The following RDH13 variants were observed in gnomAD, a reference collection of about 807,000 sequenced individuals.
The protein encoded by RDH13 is retinol dehydrogenase 13 (all-trans and 9-cis).
In RDH13, 35 loss-of-function variants were observed where a neutral mutation model predicts 28.3. That is an observed-to-expected ratio of 1.24 (90% CI 0.95 to 1.64). The LOEUF is 1.64. Ranked by LOEUF, RDH13 falls within the 40% of genes most tolerant of loss-of-function variation. The pLI is 0.00. For missense variants in RDH13, 514 were observed against 446.3 expected (o/e 1.15, Z -1.37); for synonymous variants, 229 against 198.5 (o/e 1.15, Z -1.29).
chr19:55,039,466 T>G (rs1402671863), downstream of RDH13: 1 of 152,182 alleles, frequency 6.6e-6, no homozygotes, highest in Non-Finnish European at 1.5e-5. Context: ...GAGAATCGCT[T>G]GAACCTGGGA....
chr19:55,066,655 TTCTC>T (rs148846272), upstream of RDH13, among the ~76,000 whole-genome samples: 8 of 145,294 alleles, frequency 5.5e-5, no homozygotes, highest in East Asian at 2.0e-4. Flanking sequence ...CTCTTTCTCT[TTCTC>T]TCTCTCTTCC....
At chr19:55,054,675 C>G (rs914506323) in intron 3 of RDH13, among the ~76,000 whole-genome samples, 1 of 152,064 alleles carries the variant, frequency 6.6e-6, no homozygotes, top group Non-Finnish European at 1.5e-5. Flanking sequence ...CTCAAGTGAT[C>G]CTCTTGCCTC....
At chr19:55,047,168 C>T in intron 6 of RDH13, 2 of 1,396,958 alleles carry the variant, frequency 1.4e-6, no homozygotes, top group Non-Finnish European at 1.9e-6. Flanking sequence ...ACGGTTTTCT[C>T]ATCCGCCAGC....
At chr19:55,052,570 GCAGCCTCAACCTCC>G (rs1177466623) in intron 3 of RDH13, among the ~76,000 whole-genome samples, 1 of 149,236 alleles carries the variant, frequency 6.7e-6, no homozygotes, top group Non-Finnish European at 1.5e-5. Context: ...ATCCCTCACT[GCAGCCTCAACCTCC>G]CAGGCTCAAG....
rs2075487942 is a variant in RDH13 at position 55,052,676 on chromosome 19, T to A, written c.341-3913A>T. Among the ~76,000 whole-genome samples, 3 of 149,132 alleles carry A rather than the reference T, an allele frequency of 2.0e-5. No individual in the cohort carries two copies. In the South Asian group the frequency reaches 6.4e-4, roughly 32 times the overall value. On this transcript the variant is annotated intron_variant, in intron 3 of 6. Coordinates refer to ENST00000415061, the MANE Select transcript of RDH13 (RefSeq NM_001145971.2). ...CCTGCCTCATTGTTTTTTATTTTTT[T>A]TTTGAGATGGAGTCTCACTCTGTCA...
chr19:55,065,867 G>A (rs144172433), upstream of RDH13, among the ~76,000 whole-genome samples: 541 of 152,190 alleles, frequency 3.6e-3, 9 homozygotes, highest in East Asian at 0.033. Context: ...ACAGGCGCTC[G>A]CCGCCACACC....
chr19:55,056,611 G>A lies in RDH13; in HGVS notation c.340+42C>T, dbSNP rs12608988. On this transcript the variant is annotated intron_variant, in intron 3 of 6. Coordinates refer to ENST00000415061, the MANE Select transcript of RDH13 (RefSeq NM_001145971.2). ...TTCTCAGAGCCTGGCCCTGGGAGCC[G>A]CCTATCCCAGTCCTCATCCCACATG... 0.077 allele frequency: 123,312 copies of A among 1,601,048 alleles called. 5,489 individuals are homozygous for A. Among genetic ancestry groups the A allele is most frequent in the East Asian group, 0.2 (8,700 of 44,484 alleles).
chr19:55,063,013 G>T lies in RDH13; in HGVS notation c.20C>A (p.Pro7Gln). 2.0e-6 allele frequency: 3 copies of T among 1,463,864 alleles called. No individual in the cohort carries two copies. Among genetic ancestry groups the T allele is most frequent in the Non-Finnish European group, 2.7e-6 (3 of 1,109,546 alleles). 90.7% of individuals were successfully genotyped at this position (1,463,864 alleles called of 1,614,324 possible). ...TGCTACCGTGCCCAGCGCCGACAGCGGCAGCAGGTAGCGGCTCATGCCGGG... is the reference window on the plus strand; with the variant it reads ...TGCTACCGTGCCCAGCGCCGACAGCTGCAGCAGGTAGCGGCTCATGCCGGG... MSRYLL[P>Q]LSALGTVAGA... is the part of the protein sequence containing the mutation. The change falls in exon 1 of 7, where the codon CCG becomes CAG. Residue 7 changes from proline to glutamine, a missense_variant. Coordinates refer to ENST00000415061, the MANE Select transcript of RDH13 (RefSeq NM_001145971.2).
At chr19:55,062,110 TC>T (rs999729509) in intron 1 of RDH13, among the ~76,000 whole-genome samples, 11 of 124,388 alleles carry the variant, frequency 8.8e-5, no homozygotes, top group Non-Finnish European at 1.8e-5. Context: ...ACAGCGAAAC[TC>T]TGTCTCAAAA....
rs529590812 is a variant in RDH13, at chr19:55,059,905, G to A, written c.66-630C>T. Among the ~76,000 whole-genome samples the A allele has an allele frequency of 6.6e-5, 10 of 152,362 alleles. No homozygotes were observed. The East Asian group carries it at 1.9e-3, about 29-fold the overall frequency. ...TAAGGGATCTAGGGCTGTGCAGGAAGTGCCTTGTTAACACAATGTTTCCAA... is the reference window on the plus strand; with the variant it reads ...TAAGGGATCTAGGGCTGTGCAGGAAATGCCTTGTTAACACAATGTTTCCAA... On this transcript the variant is annotated intron_variant, in intron 1 of 6. Transcript: ENST00000415061.
Position 55,048,365 on chromosome 19 carries a change from C to G in RDH13, c.622G>C (p.Val208Leu). ...AAYCQSKLAIVLFTKELSRRL... is the reference protein window; with the variant it reads ...AAYCQSKLAILLFTKELSRRL... The stretch of plus-strand genomic sequence containing the variant: ...CGGCTCAGCTCCTTGGTGAAGAGGA[C>G]GATGGCGAGCTTGCTCTGGCAGTAG... The change falls in exon 5 of 7, where the codon GTC (valine) becomes CTC (leucine). Residue 208 changes from valine (V) to leucine (L), a missense_variant. Physicochemically the swap from Val to Leu is conservative, Grantham distance 32. Coordinates refer to ENST00000415061, the MANE Select transcript of RDH13 (RefSeq NM_001145971.2). 3 of 1,614,158 alleles carry G rather than the reference C, an allele frequency of 1.9e-6. No individual in the cohort carries two copies. Among genetic ancestry groups the G allele is most frequent in the South Asian group, 2.2e-5 (2 of 91,086 alleles).
intron 3 of RDH13, among the ~76,000 whole-genome samples, chr19:55,055,211 G>A (rs1335535875): frequency 6.6e-6 from 1 of 152,002 alleles, no homozygotes; most frequent in Non-Finnish European, 1.5e-5. Flanking sequence ...GGAGTGCACT[G>A]GCACAATCTC....
chr19:55,061,167 G>A (rs926859174), intron 1 of RDH13, among the ~76,000 whole-genome samples: 3 of 151,842 alleles, frequency 2.0e-5, no homozygotes, highest in East Asian at 1.9e-4. Context: ...TCGCTCTGTC[G>A]CCCAGGCTGG....
rs140908518 is a variant in RDH13, at chr19:55,061,869, G to C, written c.65+1099C>G. The stretch of plus-strand genomic sequence containing the variant: ...ACGGTGGCTCACGCCTGTAACCCCA[G>C]CACTTTGGGAGGCCAAGGTGGCCAG... On this transcript the variant is annotated intron_variant, in intron 1 of 6. Coordinates refer to ENST00000415061, the MANE Select transcript of RDH13 (RefSeq NM_001145971.2). Among the ~76,000 whole-genome samples, 448 of 151,912 alleles carry C rather than the reference G, an allele frequency of 2.9e-3. 4 individuals carry two copies. The highest frequency in any genetic ancestry group is 0.01 in the African/African-American group (429 of 41,488).
intron 2 of RDH13, among the ~76,000 whole-genome samples, 200 bp downstream of exon 2, chr19:55,058,957 G>C (rs767973900): frequency 6.6e-6 from 1 of 152,202 alleles, no homozygotes; most frequent in Admixed American, 6.5e-5. Context: ...GATTACAGGC[G>C]TGCACCACCG....
intron 2 of RDH13, among the ~76,000 whole-genome samples, 190 bp downstream of exon 2, chr19:55,058,967 G>A (rs866681860): frequency 3.9e-4 from 59 of 152,206 alleles, no homozygotes; most frequent in African/African-American, 1.2e-3. Flanking sequence ...GTGCACCACC[G>A]CGCCCGGCCA....
At chr19:55,065,863 G>A (rs200908830), upstream of RDH13, among the ~76,000 whole-genome samples, 7 of 152,076 alleles carry the variant, frequency 4.6e-5, no homozygotes, top group Non-Finnish European at 8.8e-5. Flanking sequence ...GATTACAGGC[G>A]CTCGCCGCCA....
At chr19:55,051,734 T>G (rs1364946417) in intron 3 of RDH13, among the ~76,000 whole-genome samples, 6 of 151,274 alleles carry the variant, frequency 4.0e-5, no homozygotes, top group Admixed American at 2.0e-4. Context: ...AGCCTGTTTT[T>G]TTTTTTTTCT....
chr19:55,047,223 G>A (rs2075265079), intron 6 of RDH13, 164 bp downstream of exon 6: 21 of 1,416,110 alleles, frequency 1.5e-5, no homozygotes, highest in Non-Finnish European at 1.7e-5. Context: ...TGGCAGGCCA[G>A]GTCAACGGAG....
Sources: allele counts gnomAD v4.1 joint callset (sites outside exome capture counted in the v4.1 genomes callset), GRCh38; gene constraint gnomAD v4.1.1; transcripts MANE v1.5; gene names NCBI Gene and HGNC (gene_info 2026-07-23, HGNC 2026-07-21).